PUDP: variants seen among roughly 807,000 people sequenced by gnomAD.
PUDP encodes the protein pseudouridine-5'-phosphatase.
PUDP carries 8 observed loss-of-function variants against 9.4 expected under a neutral mutation model. The ratio of observed to expected loss-of-function variants is 0.85; its 90% CI spans 0.50 to 1.53. PUDP has a LOEUF of 1.53. PUDP is among the 40% of genes most tolerant of loss of function. PUDP has a pLI of 0.00. For missense variants in PUDP, 188 were observed against 189.7 expected (o/e 0.99, Z 0.05); for synonymous variants, 99 against 80.7 (o/e 1.23, Z -1.22).
intron 1 of PUDP, among the ~76,000 whole-genome samples, chrX:7,018,269 C>T (rs1929580186): frequency 8.9e-6 from 1 of 111,818 alleles, no homozygotes; most frequent in African/African-American, 3.3e-5. Flanking sequence ...GATCCAAGAA[C>T]CCTCTCTTGG....
intron 1 of PUDP, among the ~76,000 whole-genome samples, chrX:7,040,199 C>G (rs960803418): frequency 5.4e-5 from 6 of 111,590 alleles, no homozygotes; most frequent in Non-Finnish European, 1.1e-4. Flanking sequence ...GGGTGGGATT[C>G]TTTATGAACT....
In PUDP at chrX:6,926,631, A is replaced by G. The variant is rs190110487; in HGVS notation, c.*247+50502T>C. Among the ~76,000 whole-genome samples the G allele has an allele frequency of 2.7e-5, 3 of 112,313 alleles. No homozygotes were observed. The East Asian group carries it at 8.4e-4, about 32-fold the overall frequency. On this transcript the variant is annotated intron_variant and NMD_transcript_variant, in intron 3 of 3. Coordinates refer to the PUDP transcript ENST00000655425. ...CAGTTATTGAAATTGCAAGATAGCTATATCTGTCCTTCCTTAACTGCTCTC... is the reference window on the plus strand; with the variant it reads ...CAGTTATTGAAATTGCAAGATAGCTGTATCTGTCCTTCCTTAACTGCTCTC...
chrX:7,096,506 G>A (rs1429451687), intron 2 of PUDP, among the ~76,000 whole-genome samples: 3 of 110,392 alleles, frequency 2.7e-5, no homozygotes, highest in African/African-American at 9.9e-5. Flanking sequence ...TTTTTGTACC[G>A]TGTGAAACAA....
At chrX:6,944,653 T>TAAA (rs1928441015) in intron 3 of PUDP, among the ~76,000 whole-genome samples, 1 of 109,763 alleles carries the variant, frequency 9.1e-6, no homozygotes, top group South Asian at 3.9e-4. Context: ...TAGCCAAGAG[T>TAAA]TGTTTGGGTC....
chrX:7,005,960 T>TTAGCA (rs1272588612), intron 1 of PUDP, among the ~76,000 whole-genome samples: 1 of 111,979 alleles, frequency 8.9e-6, no homozygotes, highest in Non-Finnish European at 1.9e-5. Context: ...CTTATTTCAC[T>TTAGCA]TAGCATAATG....
chrX:7,011,879 G>T (rs756484323), intron 1 of PUDP, among the ~76,000 whole-genome samples: 12 of 112,172 alleles, frequency 1.1e-4, no homozygotes, highest in South Asian at 3.7e-4. Flanking sequence ...TGATTGCTAT[G>T]GTCTGATTTA....
intron 2 of PUDP, chrX:7,085,541 G>C (rs1931237335): frequency 8.9e-6 from 1 of 112,348 alleles, no homozygotes; most frequent in Non-Finnish European, 1.9e-5. Flanking sequence ...CCATAAAATG[G>C]ATGCAAGTTA....
At chrX:6,819,579 C>T (rs749303970) in intron 3 of PUDP, among the ~76,000 whole-genome samples, 2 of 112,561 alleles carry the variant, frequency 1.8e-5, no homozygotes, top group South Asian at 7.3e-4. Flanking sequence ...GATGGAAGAA[C>T]GGATTCACTC....
At chrX:6,835,076 T>G (rs748285279) in intron 3 of PUDP, among the ~76,000 whole-genome samples, 1 of 111,141 alleles carries the variant, frequency 9.0e-6, no homozygotes, top group African/African-American at 3.3e-5. Context: ...AGAGAGGTTG[T>G]TTGAGGGAAG....
intron 3 of PUDP, among the ~76,000 whole-genome samples, chrX:6,737,747 A>G (rs1048779980): frequency 5.4e-5 from 6 of 111,473 alleles, no homozygotes; most frequent in Non-Finnish European, 9.4e-5. Flanking sequence ...CTGCCCAAAA[A>G]TGCCAGCAGC....
intron 1 of PUDP, among the ~76,000 whole-genome samples, chrX:7,028,137 T>A (rs1929744801): frequency 9.3e-6 from 1 of 107,868 alleles, no homozygotes; most frequent in Non-Finnish European, 1.9e-5. Flanking sequence ...AATAAAAATA[T>A]ATAGATATAT....
At chrX:6,789,016 G>A (rs1381602388) in intron 3 of PUDP, among the ~76,000 whole-genome samples, 4 of 111,627 alleles carry the variant, frequency 3.6e-5, no homozygotes, top group East Asian at 2.8e-4. Context: ...GAGACCGGGC[G>A]CGGTGGCTCA....
intron 1 of PUDP, 22 bp from the exon 2 acceptor site, chrX:7,105,860 T>A (rs1931867728): frequency 1.9e-6 from 2 of 1,046,146 alleles, no homozygotes; most frequent in East Asian, 6.1e-5. Flanking sequence ...AAAAAAGAGA[T>A]TTTTAGAGTG....
At chrX:7,037,132 T>C (rs1929864053) in intron 1 of PUDP, among the ~76,000 whole-genome samples, 1 of 111,405 alleles carries the variant, frequency 9.0e-6, no homozygotes, top group African/African-American at 3.3e-5. Context: ...TTGGGCAAAG[T>C]TCTGGGGAAA....
At chrX:6,926,987 G>T (rs1325927236) in intron 3 of PUDP, among the ~76,000 whole-genome samples, 1 of 101,728 alleles carries the variant, frequency 9.8e-6, no homozygotes, top group African/African-American at 3.7e-5. Context: ...GAGTGCAGTG[G>T]CACAATCACG....
chrX:6,730,639 T>C (rs1163553566), intron 3 of PUDP, among the ~76,000 whole-genome samples: 1 of 112,111 alleles, frequency 8.9e-6, no homozygotes, highest in Non-Finnish European at 1.9e-5. Context: ...CTGCTGGGTG[T>C]TCAGAGAAGG....
At chrX:6,813,142 G>A (rs1160659302) in intron 3 of PUDP, among the ~76,000 whole-genome samples, 1 of 105,501 alleles carries the variant, frequency 9.5e-6, no homozygotes, top group Non-Finnish European at 1.9e-5. Flanking sequence ...AGAAGGAGAA[G>A]GAGAAGAAAA....
At chrX:7,016,344 C>T (rs1212225412) in intron 1 of PUDP, among the ~76,000 whole-genome samples, 1 of 110,296 alleles carries the variant, frequency 9.1e-6, no homozygotes, top group Non-Finnish European at 1.9e-5. Context: ...GTATTCAGGT[C>T]ATGGGGGAAG....
intron 3 of PUDP, among the ~76,000 whole-genome samples, chrX:6,903,440 T>C (rs373338844): frequency 9.0e-6 from 1 of 111,505 alleles, no homozygotes; most frequent in East Asian, 2.8e-4. Flanking sequence ...CACTACTGGT[T>C]ATCTACCCAA....
Sources: gnomAD v4.1 joint callset for allele counts (sites outside exome capture counted in the v4.1 genomes callset) on GRCh38, gnomAD v4.1.1 for gene constraint, MANE v1.5 for transcripts, NCBI Gene and HGNC (gene_info 2026-07-23, HGNC 2026-07-21) for gene names.